The following PRH1 variants were observed in gnomAD, a reference collection of about 807,000 sequenced individuals.
PRH1 encodes the protein proline rich protein HaeIII subfamily 1.
In PRH1, 7 loss-of-function variants were observed where a neutral mutation model predicts 7.9. The observed-to-expected ratio is 0.89, with a 90% CI of 0.50 to 1.67. The LOEUF (loss-of-function observed/expected upper bound fraction) is 1.67, where lower values mean the gene tolerates loss of function less well. PRH1 is among the 40% of genes most tolerant of loss of function. PRH1 has a pLI of 0.00. For missense variants in PRH1, 109 were observed against 223.6 expected, an observed-to-expected ratio of 0.49 and a Z score of 3.27; for synonymous variants, 45 against 80.8, an observed-to-expected ratio of 0.56 and a Z score of 2.38.
intron 1 of PRH1, among the ~76,000 whole-genome samples, chr12:11,155,080 A>T (rs1947212598): frequency 6.6e-6 from 1 of 152,224 alleles, no homozygotes; most frequent in Non-Finnish European, 1.5e-5. Flanking sequence ...TTATATTAAC[A>T]TAAAAACATT....
At chr12:11,003,889 T>A (rs529823147) in intron 1 of PRH1, among the ~76,000 whole-genome samples, 3 of 152,132 alleles carry the variant, frequency 2.0e-5, no homozygotes, top group Admixed American at 2.0e-4. Context: ...AGTTTGTTCA[T>A]TTTGATTGCT....
At chr12:11,023,559 T>C (rs1941762895) in intron 1 of PRH1, among the ~76,000 whole-genome samples, 1 of 152,212 alleles carries the variant, frequency 6.6e-6, no homozygotes, top group African/African-American at 2.4e-5. Context: ...ACCTTGACCT[T>C]GGACTCTGAA....
intron 2 of PRH1, chr12:10,964,723 C>T (rs1300473481): frequency 9.1e-6 from 6 of 658,380 alleles, no homozygotes; most frequent in Non-Finnish European, 1.6e-5. Flanking sequence ...TGCCATGGAA[C>T]TGCATCTTCT....
chr12:10,885,975 T>C (rs1419665599), upstream of PRH1, among the ~76,000 whole-genome samples: 1 of 152,208 alleles, frequency 6.6e-6, no homozygotes, highest in Non-Finnish European at 1.5e-5. Flanking sequence ...GACATTGTTC[T>C]TGTAAGGGAC....
intron 2 of PRH1, among the ~76,000 whole-genome samples, chr12:10,923,933 ACT>A (rs961614228): frequency 3.5e-5 from 4 of 115,118 alleles, no homozygotes; most frequent in Non-Finnish European, 5.7e-5. Flanking sequence ...CTCTCTTTTC[ACT>A]CTTTTTTTGC....
chr12:10,900,454 GGGCCA>G (rs1411263504), intron 2 of PRH1, among the ~76,000 whole-genome samples: 1 of 152,138 alleles, frequency 6.6e-6, no homozygotes, highest in Non-Finnish European at 1.5e-5. Flanking sequence ...TTTTAGTCTT[GGGCCA>G]GATATTGGAG....
intron 1 of PRH1, among the ~76,000 whole-genome samples, chr12:11,053,825 T>C (rs1465429443): frequency 6.6e-6 from 1 of 151,964 alleles, no homozygotes; most frequent in Non-Finnish European, 1.5e-5. Context: ...ACATTTTGTG[T>C]GTGTGTGTGT....
rs531024293 is a variant in PRH1, at chr12:10,984,887, T to C, written c.-125-11166A>G. 9.5e-4 allele frequency among the ~76,000 whole-genome samples: 144 copies of C among 152,178 alleles called. 1 individual carries two copies. The highest frequency in any genetic ancestry group is 1.9e-3 in the Non-Finnish European group (127 of 67,944). On this transcript the variant is annotated intron_variant, in intron 1 of 3. Transcript: ENST00000539853. ...TTCTATCATTAATACATAGATTTCA[T>C]AGATGCCATTTTAACATTTGCAAAA...
At chr12:11,012,152 G>A (rs7315843) in intron 1 of PRH1, among the ~76,000 whole-genome samples, 125,030 of 152,142 alleles carry the variant, frequency 0.82, 51,727 homozygotes, top group East Asian at 0.96. Flanking sequence ...CTCTGTATGT[G>A]AATTTTCACT....
At chr12:10,905,165 C>G (rs546021140) in intron 2 of PRH1, among the ~76,000 whole-genome samples, 1 of 152,082 alleles carries the variant, frequency 6.6e-6, no homozygotes, top group East Asian at 1.9e-4. Context: ...ACCTAGTCAT[C>G]CCATTACTCA....
upstream of PRH1, among the ~76,000 whole-genome samples, chr12:11,049,712 G>T (rs1253122356): frequency 6.6e-6 from 1 of 152,142 alleles, no homozygotes; most frequent in African/African-American, 2.4e-5. Flanking sequence ...TACAGTACAG[G>T]TTTAAATTGT....
chr12:10,893,543 C>A (rs111621289), intron 2 of PRH1, among the ~76,000 whole-genome samples: 3,328 of 152,260 alleles, frequency 0.022, 52 homozygotes, highest in Admixed American at 0.028. Flanking sequence ...CCTAGGGGGG[C>A]AAAATTGCCC....
chr12:11,057,303 G>C (rs1164276503), intron 1 of PRH1, among the ~76,000 whole-genome samples: 1 of 143,758 alleles, frequency 7.0e-6, no homozygotes, highest in Non-Finnish European at 1.5e-5. Context: ...CAGCCTGCAG[G>C]GGGAGGTTTT....
intron 1 of PRH1, among the ~76,000 whole-genome samples, chr12:11,033,653 C>T (rs370872651): frequency 7.9e-5 from 12 of 152,200 alleles, no homozygotes; most frequent in African/African-American, 2.6e-4. Context: ...TGGCAGATAA[C>T]ATCATCTCAA....
chr12:10,970,122 G>A (rs1480461955), intron 2 of PRH1, among the ~76,000 whole-genome samples: 3 of 152,070 alleles, frequency 2.0e-5, no homozygotes, highest in Non-Finnish European at 4.4e-5. Flanking sequence ...TTTTATTATA[G>A]CAAGCAATGC....
At chr12:11,027,048 T>C (rs1317403516) in intron 1 of PRH1, among the ~76,000 whole-genome samples, 1 of 152,276 alleles carries the variant, frequency 6.6e-6, no homozygotes, top group East Asian at 1.9e-4. Flanking sequence ...GAAGATCATT[T>C]GAGCCCAGGA....
intron 2 of PRH1, among the ~76,000 whole-genome samples, chr12:10,914,292 A>G (rs1442622854): frequency 6.6e-6 from 1 of 152,254 alleles, no homozygotes; most frequent in Non-Finnish European, 1.5e-5. Context: ...TAAATAGCAA[A>G]CAGAGGGAGA....
chr12:11,118,416 A>G (rs1266830242), downstream of PRH1, among the ~76,000 whole-genome samples: 1 of 152,148 alleles, frequency 6.6e-6, no homozygotes. Context: ...AAAGACAGGT[A>G]GTAACAAATG....
At chr12:11,028,135 C>T (rs1323905320) in intron 1 of PRH1, among the ~76,000 whole-genome samples, 1 of 152,198 alleles carries the variant, frequency 6.6e-6, no homozygotes, top group South Asian at 2.1e-4. Flanking sequence ...GAATGCATCA[C>T]CACACTGTGG....
Sources: allele counts gnomAD v4.1 joint callset (sites outside exome capture counted in the v4.1 genomes callset), GRCh38; gene constraint gnomAD v4.1.1; transcripts MANE v1.5; gene names NCBI Gene and HGNC (gene_info 2026-07-23, HGNC 2026-07-21).